Variants in AGAP1 observed in about 807,000 individuals in gnomAD.
AGAP1 encodes arf-GAP with GTPase, ANK repeat and PH domain-containing protein 1.
In AGAP1, 29 loss-of-function variants were observed where a neutral mutation model predicts 105.3. That is an observed-to-expected ratio of 0.28 (90% CI 0.21 to 0.38). The LOEUF (loss-of-function observed/expected upper bound fraction) is 0.38, where lower values mean the gene tolerates loss of function less well. Ranked by LOEUF, AGAP1 falls within the 10% of genes least tolerant of loss-of-function variation. The pLI is 1.00. For synonymous variants in AGAP1, 509 were observed against 485.9 expected (o/e 1.05, Z -0.63); for missense variants, 998 against 1,165.1 (o/e 0.86, Z 2.09).
intron 13 of AGAP1, among the ~76,000 whole-genome samples, chr2:235,996,552 A>G (rs1360539987): frequency 6.6e-6 from 1 of 152,200 alleles, no homozygotes; most frequent in Admixed American, 6.5e-5. Context: ...TCCTGCACCC[A>G]AGCCCTGACG....
In AGAP1 at chr2:236,029,611, C is replaced by G. The variant is rs968423999; in HGVS notation, c.1646-6950C>G. Among the ~76,000 whole-genome samples the G allele has an allele frequency of 5.3e-5, 8 of 152,054 alleles. No homozygotes were observed. In the Middle Eastern group the frequency reaches 0.01, roughly 195 times the overall value. On this transcript the variant is annotated intron_variant, in intron 13 of 17. Coordinates refer to ENST00000304032, the MANE Select transcript of AGAP1 (RefSeq NM_001037131.3). The stretch of plus-strand genomic sequence containing the variant: ...CTGAAGTATATCATTTAGTAATTTC[C>G]CTAGTGGACGTCTATTGGTAATAAG...
At chr2:235,534,060 G>A (rs1305144383) in intron 1 of AGAP1, among the ~76,000 whole-genome samples, 4 of 152,200 alleles carry the variant, frequency 2.6e-5, no homozygotes, top group Non-Finnish European at 5.9e-5. Context: ...AAACACCGTC[G>A]CTGTCGATGC....
chr2:235,973,590 A>T lies in AGAP1; in HGVS notation c.1645+4967A>T, dbSNP rs2054741701. Among the ~76,000 whole-genome samples the T allele has an allele frequency of 6.6e-6, 1 of 152,172 alleles. No homozygotes were observed. Among genetic ancestry groups the T allele is most frequent in the Non-Finnish European group, 1.5e-5 (1 of 68,032 alleles). Reference sequence around the variant, plus strand: ...GGTGGTGATGAGGATGAGGGCCATGAGGCATGGTGACTGTGACCAGCTGAT... The same window carrying T: ...GGTGGTGATGAGGATGAGGGCCATGTGGCATGGTGACTGTGACCAGCTGAT... On this transcript the variant is annotated intron_variant, in intron 13 of 17. Transcript: ENST00000304032. This position sits in a 1 kb window ranked among gnomAD's most constrained non-coding sequence, Gnocchi z 4.7.
chr2:235,605,830 G>A (rs1413339755), intron 1 of AGAP1, among the ~76,000 whole-genome samples: 2 of 152,128 alleles, frequency 1.3e-5, no homozygotes, highest in African/African-American at 2.4e-5. Context: ...TAGAGGACGC[G>A]GTGTACGCCC....
chr2:235,564,379 C>T (rs1398096577), intron 1 of AGAP1, among the ~76,000 whole-genome samples: 1 of 152,216 alleles, frequency 6.6e-6, no homozygotes, highest in Non-Finnish European at 1.5e-5. Flanking sequence ...CCAGGGAGGC[C>T]TCCAGGTGCC....
chr2:235,806,048 C>T (rs960632396), intron 8 of AGAP1, among the ~76,000 whole-genome samples: 1 of 152,194 alleles, frequency 6.6e-6, no homozygotes, highest in Non-Finnish European at 1.5e-5. Context: ...GTAGCAGCCT[C>T]TTCTGGAATC....
In AGAP1 at chr2:235,704,962, C is replaced by CTTTTTTTTTTTTTT. The variant is rs796721149; in HGVS notation, c.164-4211_164-4210insTTTTTTTTTTTTTT. On this transcript the variant is annotated intron_variant, in intron 1 of 17. Transcript: ENST00000304032. ...AACGTCGATTGTAAAATACAAGATG[C>CTTTTTTTTTTTTTT]TTTTTTCTTTTTTTTTTTTTTTTTT... 5.8e-5 allele frequency among the ~76,000 whole-genome samples: 5 copies of CTTTTTTTTTTTTTT among 86,010 alleles called. 2 individuals are homozygous for CTTTTTTTTTTTTTT. Among genetic ancestry groups the CTTTTTTTTTTTTTT allele is most frequent in the Non-Finnish European group, 4.6e-5 (2 of 43,478 alleles). 56.4% of individuals were successfully genotyped at this position (86,010 alleles called of 152,430 possible).
Position 236,056,382 on chromosome 2 carries a change from G to A in AGAP1, c.2114+7101G>A, listed in dbSNP as rs774673217. Among the ~76,000 whole-genome samples the A allele has an allele frequency of 4.6e-5, 7 of 152,162 alleles. No individual in the cohort carries two copies. The highest frequency in any genetic ancestry group is 1.4e-4 in the African/African-American group (6 of 41,432). On this transcript the variant is annotated intron_variant, in intron 16 of 17. Transcript: ENST00000304032. The surrounding 1 kb of genome is among the most constrained non-coding windows in gnomAD (Gnocchi z 4.6). ...ATTTACGTTCTGAAATACGGCCGTC[G>A]TGACAATTAAGGAGTTTCTGATGCT... is the stretch of plus-strand genomic sequence containing the variant.
intron 1 of AGAP1, among the ~76,000 whole-genome samples, chr2:235,688,841 C>T (rs577353898): frequency 1.3e-5 from 2 of 152,262 alleles, no homozygotes; most frequent in South Asian, 4.2e-4. Context: ...GCCCCTCATT[C>T]ACCCGCTAGT....
chr2:235,736,168 C>T lies in AGAP1; in HGVS notation c.311-4795C>T, dbSNP rs1952238777. Among the ~76,000 whole-genome samples the T allele has an allele frequency of 1.3e-5, 2 of 151,606 alleles. No individual in the cohort carries two copies. Among genetic ancestry groups the T allele is most frequent in the Admixed American group, 6.6e-5 (1 of 15,224 alleles). On this transcript the variant is annotated intron_variant, in intron 3 of 17. Transcript: ENST00000304032. This position sits in a 1 kb window ranked among gnomAD's most constrained non-coding sequence, Gnocchi z 5.5. ...CACCTTAGGGTCAGGCAGCTGCGAC[C>T]GATCTGTCTGGTTCCTCACCCTGGG...
chr2:236,121,750 A>G lies in AGAP1; in HGVS notation c.2370+1303A>G, dbSNP rs1183207010. Among the ~76,000 whole-genome samples, 1 of 152,236 alleles carries G rather than the reference A, an allele frequency of 6.6e-6. No individual in the cohort carries two copies. Among genetic ancestry groups the G allele is most frequent in the East Asian group, 1.9e-4 (1 of 5,198 alleles). On this transcript the variant is annotated intron_variant, in intron 17 of 17. Transcript: ENST00000304032. This position sits in a 1 kb window ranked among gnomAD's most constrained non-coding sequence, Gnocchi z 4.9. ...TTGTGTGTAGTGTGCTAGGGCTGCC[A>G]TAACAAAATACCACAGACAGGGGTG... is the stretch of plus-strand genomic sequence containing the variant.
chr2:235,624,544 T>C (rs985736611), intron 1 of AGAP1, among the ~76,000 whole-genome samples: 1 of 152,248 alleles, frequency 6.6e-6, no homozygotes, highest in East Asian at 1.9e-4. Context: ...CTTAAAATAT[T>C]TCATTACTTA....
intron 1 of AGAP1, among the ~76,000 whole-genome samples, chr2:235,632,344 G>T (rs1265823854): frequency 1.3e-5 from 2 of 152,204 alleles, no homozygotes; most frequent in African/African-American, 4.8e-5. Context: ...TATCCTCGGG[G>T]TGCCTCAGAG....
intron 9 of AGAP1, among the ~76,000 whole-genome samples, chr2:235,814,834 C>T (rs1958359892): frequency 6.6e-6 from 1 of 152,116 alleles, no homozygotes; most frequent in Non-Finnish European, 1.5e-5. Context: ...CCTAAAGGCC[C>T]AGGGTATCTG....
chr2:235,784,559 A>T (rs1309610105), intron 6 of AGAP1, among the ~76,000 whole-genome samples: 1 of 146,670 alleles, frequency 6.8e-6, no homozygotes, highest in Non-Finnish European at 1.5e-5. Context: ...GCTGTGAGCG[A>T]TTACAATGGC....
At chr2:235,916,784 T>C (rs2051906221) in intron 11 of AGAP1, among the ~76,000 whole-genome samples, 1 of 152,248 alleles carries the variant, frequency 6.6e-6, no homozygotes, top group Non-Finnish European at 1.5e-5. Flanking sequence ...AAAGAAATTA[T>C]GTTCTTGAAT....
chr2:236,063,053 G>A (rs539313617), intron 16 of AGAP1, among the ~76,000 whole-genome samples: 11 of 152,174 alleles, frequency 7.2e-5, no homozygotes, highest in Non-Finnish European at 1.2e-4. Context: ...CTCCCAAAGC[G>A]CTGGGATTAC....
At chr2:235,638,077 G>C (rs944192499) in intron 1 of AGAP1, among the ~76,000 whole-genome samples, 1 of 152,202 alleles carries the variant, frequency 6.6e-6, no homozygotes, top group Non-Finnish European at 1.5e-5. Context: ...CTTACCGGCT[G>C]TTGGGGCGTT....
chr2:235,500,038 C>T (rs1352182384), intron 1 of AGAP1, among the ~76,000 whole-genome samples: 3 of 152,012 alleles, frequency 2.0e-5, no homozygotes, highest in African/African-American at 7.2e-5. Flanking sequence ...ATTTGGTGGG[C>T]TGGCTTGGTG....
Sources: gnomAD v4.1 joint callset for allele counts (sites outside exome capture counted in the v4.1 genomes callset) on GRCh38, gnomAD v4.1.1 for gene constraint, Gnocchi (gnomAD v3.1) non-coding constraint, MANE v1.5 for transcripts, NCBI Gene and HGNC (gene_info 2026-07-23, HGNC 2026-07-21) for gene names.